KCNH7: variants seen among roughly 807,000 people sequenced by gnomAD.
KCNH7 encodes potassium voltage-gated channel subfamily H member 7, also known as voltage-gated inwardly rectifying potassium channel KCNH7.
In KCNH7, 49 loss-of-function variants were observed where a neutral mutation model predicts 120.8. The observed-to-expected ratio is 0.41, with a 90% CI of 0.32 to 0.51. KCNH7 has a LOEUF of 0.51. Among genes scored for constraint, KCNH7 ranks in the 20% least tolerant of loss-of-function variants. The pLI, the probability that KCNH7 is intolerant of heterozygous loss-of-function variation, is 0.38. For missense variants in KCNH7, 1,097 were observed against 1,446.6 expected (o/e 0.76, Z 3.92); for synonymous variants, 547 against 516.1 (o/e 1.06, Z -0.81).
chr2:162,669,902 G>A lies in KCNH7; in HGVS notation c.308-132822C>T, dbSNP rs572973100. Among the ~76,000 whole-genome samples, 121 of 151,044 alleles carry A rather than the reference G, an allele frequency of 8.0e-4. 1 individual carries two copies. The highest frequency in any genetic ancestry group is 3.5e-3 in the Middle Eastern group (1 of 286). On this transcript the variant is annotated intron_variant, in intron 2 of 15. Coordinates refer to ENST00000332142, the MANE Select transcript of KCNH7 (RefSeq NM_033272.4). ...ATAACCTGAGGTCAGGAGTTCAAGAGCAGCCTGGCCAACATGGTGAAACCC... is the reference window on the plus strand; with the variant it reads ...ATAACCTGAGGTCAGGAGTTCAAGAACAGCCTGGCCAACATGGTGAAACCC...
chr2:162,793,235 G>T (rs1439485557), intron 2 of KCNH7, among the ~76,000 whole-genome samples: 2 of 151,980 alleles, frequency 1.3e-5, no homozygotes, highest in Non-Finnish European at 2.9e-5. Flanking sequence ...TTAGAAGTGG[G>T]AGCTAAATTA....
At chr2:162,681,286 G>A (rs1287987024) in intron 2 of KCNH7, among the ~76,000 whole-genome samples, 1 of 151,706 alleles carries the variant, frequency 6.6e-6, no homozygotes, top group Non-Finnish European at 1.5e-5. Context: ...GCGGAATGCA[G>A]TAGTATAAAT....
At chr2:162,724,627 G>T (rs10167405) in intron 2 of KCNH7, among the ~76,000 whole-genome samples, 5 of 146,168 alleles carry the variant, frequency 3.4e-5, no homozygotes, top group Non-Finnish European at 7.4e-5. Flanking sequence ...AGCCGAGATC[G>T]CGCCACTGCA....
chr2:162,537,166 A>T, intron 2 of KCNH7, 86 bp from the exon 3 acceptor site: 1 of 1,048,198 alleles, frequency 9.5e-7, no homozygotes, highest in Non-Finnish European at 1.4e-6. Context: ...TATACTCTTA[A>T]GGAAATTTGT....
intron 2 of KCNH7, among the ~76,000 whole-genome samples, chr2:162,657,337 T>C (rs1364694707): frequency 1.3e-5 from 2 of 152,188 alleles, no homozygotes; most frequent in South Asian, 2.1e-4. Context: ...CCTGAGCCCT[T>C]TGCAACCACC....
Position 162,633,960 on chromosome 2 carries a change from T to C in KCNH7, c.308-96880A>G, listed in dbSNP as rs370373068. 3.9e-5 allele frequency among the ~76,000 whole-genome samples: 6 copies of C among 152,202 alleles called. No individual in the cohort carries two copies. In the South Asian group the frequency reaches 8.3e-4, roughly 21 times the overall value. ...ATCTTTGTACATATTGAATAACTTA[T>C]ATAAGTTTGACAATTTTCTTTACAT... On this transcript the variant is annotated intron_variant, in intron 2 of 15. Coordinates refer to ENST00000332142, the MANE Select transcript of KCNH7 (RefSeq NM_033272.4).
intron 6 of KCNH7, among the ~76,000 whole-genome samples, chr2:162,471,260 A>G (rs538493226): frequency 6.6e-6 from 1 of 152,134 alleles, no homozygotes; most frequent in East Asian, 1.9e-4. Flanking sequence ...AAAAAAAAAA[A>G]AAAAGGTAGA....
At chr2:162,504,703 G>A in intron 5 of KCNH7, 46 bp from the exon 6 acceptor site, 2 of 1,247,374 alleles carry the variant, frequency 1.6e-6, no homozygotes, top group Admixed American at 3.5e-5. Context: ...AGAAGATATA[G>A]AAGAAAGAGA....
intron 2 of KCNH7, among the ~76,000 whole-genome samples, chr2:162,691,166 T>G (rs889804396): frequency 6.6e-6 from 1 of 152,188 alleles, no homozygotes; most frequent in Non-Finnish European, 1.5e-5. Context: ...TAAATGACTA[T>G]ACACCTTAAC....
At chr2:162,386,841 G>A (rs752911402) in intron 12 of KCNH7, among the ~76,000 whole-genome samples, 21 of 151,650 alleles carry the variant, frequency 1.4e-4, no homozygotes, top group Admixed American at 6.6e-5. Context: ...TTCAGTCTTA[G>A]TTTACTAACT....
chr2:162,429,065 T>G lies in KCNH7; in HGVS notation c.1955-5530A>C, dbSNP rs372538442. ...TTCTGCATTTCCCTTTTCACTTATTTCCTACAATATTTTACATTTGTTATT... is the reference window on the plus strand; with the variant it reads ...TTCTGCATTTCCCTTTTCACTTATTGCCTACAATATTTTACATTTGTTATT... On this transcript the variant is annotated intron_variant, in intron 8 of 15. Transcript: ENST00000332142. Among the ~76,000 whole-genome samples the G allele has an allele frequency of 1.4e-4, 21 of 152,044 alleles. No individual in the cohort carries two copies. The South Asian group carries it at 3.5e-3, about 25-fold the overall frequency.
chr2:162,457,341 T>C (rs980702317), intron 6 of KCNH7, among the ~76,000 whole-genome samples: 1 of 151,884 alleles, frequency 6.6e-6, no homozygotes, highest in Non-Finnish European at 1.5e-5. Context: ...GAGAAAAAAA[T>C]AAGGAATAAA....
At chr2:162,456,816 G>C (rs766729845) in intron 6 of KCNH7, among the ~76,000 whole-genome samples, 4 of 151,964 alleles carry the variant, frequency 2.6e-5, no homozygotes, top group African/African-American at 4.8e-5. Context: ...TCAGAGACTA[G>C]GATTTCAAAC....
chr2:162,537,307 G>A (rs190297157), intron 2 of KCNH7, among the ~76,000 whole-genome samples: 2 of 151,990 alleles, frequency 1.3e-5, no homozygotes, highest in Non-Finnish European at 2.9e-5. Context: ...TTACTGCATT[G>A]TGGAAAAACA....
chr2:162,826,230 T>C (rs1400557558), intron 2 of KCNH7, among the ~76,000 whole-genome samples: 2 of 152,116 alleles, frequency 1.3e-5, no homozygotes, highest in Admixed American at 6.6e-5. Flanking sequence ...ATCAGCATAA[T>C]TGCAAGGTTT....
chr2:162,411,384 A>ACTTATAAGTGG (rs1320935817), intron 9 of KCNH7, among the ~76,000 whole-genome samples: 1 of 152,154 alleles, frequency 6.6e-6, no homozygotes, highest in Non-Finnish European at 1.5e-5. Flanking sequence ...ACATGTTCTC[A>ACTTATAAGTGG]CTTATAAGTG....
chr2:162,479,040 A>G (rs2105673471), intron 6 of KCNH7, among the ~76,000 whole-genome samples: 1 of 152,028 alleles, frequency 6.6e-6, no homozygotes, highest in East Asian at 1.9e-4. Context: ...ATCACGAGGG[A>G]GGGGAGAGAG....
At chr2:162,399,525 C>CTG (rs1687010784) in intron 10 of KCNH7, among the ~76,000 whole-genome samples, 1 of 151,832 alleles carries the variant, frequency 6.6e-6, no homozygotes, top group Admixed American at 6.6e-5. Context: ...TCCCCTCTCT[C>CTG]CACACCTCAC....
At chr2:162,429,381 G>GCCTTTTTTTTTTTTTTTTTTTTTT (rs1687982150) in intron 8 of KCNH7, among the ~76,000 whole-genome samples, 1 of 43,426 alleles carries the variant, frequency 2.3e-5, no homozygotes, top group African/African-American at 1.4e-4. Context: ...TGAGGAAAAA[G>GCCTTTTTTTTTTTTTTTTTTTTTT]TCTTTTTTTT....
Sources: gnomAD v4.1 joint callset for allele counts (sites outside exome capture counted in the v4.1 genomes callset) on GRCh38, gnomAD v4.1.1 for gene constraint, MANE v1.5 for transcripts, NCBI Gene and HGNC (gene_info 2026-07-23, HGNC 2026-07-21) for gene names.